The following PDE1C variants were observed in gnomAD, a reference collection of about 807,000 sequenced individuals.
PDE1C encodes dual specificity calcium/calmodulin-dependent 3',5'-cyclic nucleotide phosphodiesterase 1C.
In PDE1C, 62 loss-of-function variants were observed where a neutral mutation model predicts 93.1. The observed-to-expected ratio is 0.67, with a 90% CI of 0.54 to 0.82. PDE1C has a LOEUF of 0.82. Ranked by LOEUF, PDE1C falls within the 40% of genes least tolerant of loss-of-function variation. The pLI is 0.00. For synonymous variants in PDE1C, 325 were observed against 310.1 expected (o/e 1.05, Z -0.50); for missense variants, 742 against 884.6 (o/e 0.84, Z 2.04).
intron 1 of PDE1C, among the ~76,000 whole-genome samples, chr7:32,212,994 C>T (rs1255322602): frequency 6.6e-6 from 1 of 152,160 alleles, no homozygotes; most frequent in African/African-American, 2.4e-5. Flanking sequence ...AAAGCTACCC[C>T]ACCCAAGGCA....
At chr7:32,186,094 T>TG (rs1297459524) in intron 2 of PDE1C, among the ~76,000 whole-genome samples, 3,426 of 44,578 alleles carry the variant, frequency 0.077, 138 homozygotes, top group African/African-American at 0.22. Flanking sequence ...TTTGTTTTTT[T>TG]TTTTTTTTTT....
intron 1 of PDE1C, among the ~76,000 whole-genome samples, chr7:32,339,508 G>A (rs1017413286): frequency 6.6e-6 from 1 of 152,164 alleles, no homozygotes; most frequent in Non-Finnish European, 1.5e-5. Context: ...TTTACATTAT[G>A]CATATTTTAC....
intron 3 of PDE1C, among the ~76,000 whole-genome samples, chr7:32,091,822 A>T (rs973137949): frequency 1.3e-5 from 2 of 152,194 alleles, no homozygotes; most frequent in Non-Finnish European, 2.9e-5. Flanking sequence ...TATAAAAACC[A>T]CTGTGGCTGC....
At chr7:32,159,135 T>A (rs917085652) in intron 3 of PDE1C, among the ~76,000 whole-genome samples, 4 of 152,100 alleles carry the variant, frequency 2.6e-5, no homozygotes, top group African/African-American at 9.7e-5. Flanking sequence ...GGAGGACAAA[T>A]GGGGCCTGCA....
At chr7:32,312,198 G>A (rs215619) in intron 1 of PDE1C, among the ~76,000 whole-genome samples, 94,438 of 152,016 alleles carry the variant, frequency 0.62, 29,778 homozygotes, top group Admixed American at 0.72. Context: ...CAACTTACAA[G>A]GGATGTGAAA....
intron 1 of PDE1C, among the ~76,000 whole-genome samples, chr7:32,409,175 G>A (rs1220947133): frequency 6.6e-6 from 1 of 152,078 alleles, no homozygotes; most frequent in South Asian, 2.1e-4. Context: ...TGGGCAACAT[G>A]GTGAAACCTC....
At position 31,756,951 on chromosome 7, in the gene PDE1C, C is replaced by T. The variant is rs550020362; in HGVS notation, c.1961-3398G>A. Among the ~76,000 whole-genome samples, 7 of 152,326 alleles carry T rather than the reference C, an allele frequency of 4.6e-5. No homozygotes were observed. In the East Asian group the frequency reaches 1.4e-3, roughly 29 times the overall value. On this transcript the variant is annotated intron_variant, in intron 17 of 17. Coordinates refer to ENST00000396191, the MANE Select transcript of PDE1C (RefSeq NM_001191057.4). ...TGCTGGAAGGGCCAAGGTCAGGGACCCATCTGTCCAATGCCTGAGGCTTCC... is the reference window on the plus strand; with the variant it reads ...TGCTGGAAGGGCCAAGGTCAGGGACTCATCTGTCCAATGCCTGAGGCTTCC...
intron 2 of PDE1C, among the ~76,000 whole-genome samples, chr7:32,019,215 G>A (rs1252579980): frequency 2.0e-4 from 30 of 151,182 alleles, no homozygotes; most frequent in Admixed American, 1.1e-3. Context: ...ACAAGGCTGC[G>A]TGGTAAGAGA....
chr7:32,044,184 T>C (rs918066220), intron 2 of PDE1C, among the ~76,000 whole-genome samples: 4 of 152,194 alleles, frequency 2.6e-5, no homozygotes, highest in Non-Finnish European at 4.4e-5. Flanking sequence ...CCTAAGAAGT[T>C]TCCATTGAAA....
intron 1 of PDE1C, among the ~76,000 whole-genome samples, chr7:32,306,664 C>A (rs940191173): frequency 2.0e-5 from 3 of 152,170 alleles, no homozygotes; most frequent in African/African-American, 4.8e-5. Context: ...TTCAGTGACT[C>A]CCTGTCGCTG....
At chr7:31,976,778 G>A (rs567209763) in intron 2 of PDE1C, among the ~76,000 whole-genome samples, 33 of 152,192 alleles carry the variant, frequency 2.2e-4, no homozygotes, top group African/African-American at 7.2e-4. Flanking sequence ...ATGTTTCAAA[G>A]GTTTCCCATT....
intron 17 of PDE1C, among the ~76,000 whole-genome samples, chr7:31,768,364 C>A (rs1477796713): frequency 1.3e-5 from 2 of 152,332 alleles, no homozygotes; most frequent in Admixed American, 1.3e-4. Flanking sequence ...GCTGGACTGA[C>A]AAGCATAATA....
chr7:31,650,954 AT>A, the PDE1C span, among the ~76,000 whole-genome samples: 1 of 152,136 alleles, frequency 6.6e-6, no homozygotes, highest in Non-Finnish European at 1.5e-5. Flanking sequence ...TCTGTTGCAG[AT>A]GAGCACTGTC....
At chr7:32,265,089 G>A (rs1032036894) in intron 1 of PDE1C, among the ~76,000 whole-genome samples, 6 of 152,182 alleles carry the variant, frequency 3.9e-5, no homozygotes, top group Non-Finnish European at 8.8e-5. Flanking sequence ...AAAACAGACA[G>A]AGTGGCCACT....
intron 2 of PDE1C, among the ~76,000 whole-genome samples, chr7:31,975,265 C>G (rs1811507049): frequency 6.6e-6 from 1 of 152,204 alleles, no homozygotes; most frequent in Non-Finnish European, 1.5e-5. Flanking sequence ...GGATGCTTTT[C>G]TGACTTTCTG....
intron 1 of PDE1C, among the ~76,000 whole-genome samples, chr7:32,372,085 G>C (rs1784345256): frequency 6.8e-6 from 1 of 146,110 alleles, no homozygotes; most frequent in Admixed American, 6.9e-5. Flanking sequence ...ACAGAGTCTG[G>C]CTCTGTCACC....
chr7:31,759,400 C>G (rs199725812), intron 17 of PDE1C, among the ~76,000 whole-genome samples: 1 of 152,150 alleles, frequency 6.6e-6, no homozygotes, highest in East Asian at 1.9e-4. Context: ...TCCAACCAGT[C>G]GTACAATCCC....
chr7:32,406,253 A>G (rs1348955177), intron 1 of PDE1C, among the ~76,000 whole-genome samples: 2 of 152,154 alleles, frequency 1.3e-5, no homozygotes, highest in African/African-American at 4.8e-5. Context: ...AATGAGCCCA[A>G]CCCTGTGCCA....
intron 1 of PDE1C, among the ~76,000 whole-genome samples, chr7:32,306,651 T>C (rs1352771103): frequency 6.6e-6 from 1 of 152,218 alleles, no homozygotes; most frequent in African/African-American, 2.4e-5. Context: ...TTGCCTAAAA[T>C]ACTTCAGTGA....
Sources: gnomAD v4.1 joint callset for allele counts (sites outside exome capture counted in the v4.1 genomes callset) on GRCh38, gnomAD v4.1.1 for gene constraint, MANE v1.5 for transcripts, NCBI Gene and HGNC (gene_info 2026-07-23, HGNC 2026-07-21) for gene names.